LHFPL3: variants seen among roughly 807,000 people sequenced by gnomAD.
The protein encoded by LHFPL3 is LHFPL tetraspan subfamily member 3 protein.
A neutral mutation model predicts 19.3 loss-of-function variants in LHFPL3; 5 were observed. The observed-to-expected ratio is 0.26, with a 90% CI of 0.14 to 0.54. The LOEUF is 0.54. Ranked by LOEUF, LHFPL3 falls within the 20% of genes least tolerant of loss-of-function variation. The pLI is 0.94. For missense variants in LHFPL3, 249 were observed against 307.4 expected (o/e 0.81, Z 1.42); for synonymous variants, 133 against 126.2 (o/e 1.05, Z -0.36).
At chr7:104,647,428 G>A (rs1368719517) in intron 1 of LHFPL3, among the ~76,000 whole-genome samples, 1 of 152,206 alleles carries the variant, frequency 6.6e-6, no homozygotes, top group Non-Finnish European at 1.5e-5. Flanking sequence ...ATGAAGATGG[G>A]ATTGGGAATT....
chr7:104,754,072 T>C (rs549444562), intron 2 of LHFPL3, among the ~76,000 whole-genome samples: 3 of 152,034 alleles, frequency 2.0e-5, no homozygotes, highest in Non-Finnish European at 4.4e-5. Context: ...TTACTTGTGG[T>C]GGGGAGTTGG....
intron 1 of LHFPL3, among the ~76,000 whole-genome samples, chr7:104,414,203 G>A (rs1168498132): frequency 6.6e-6 from 1 of 151,900 alleles, no homozygotes; most frequent in Non-Finnish European, 1.5e-5. Context: ...TGCTGAAAAT[G>A]ATTAACCATC....
intron 2 of LHFPL3, among the ~76,000 whole-genome samples, chr7:104,901,431 G>A (rs562436226): frequency 6.6e-6 from 1 of 152,130 alleles, no homozygotes; most frequent in Non-Finnish European, 1.5e-5. Flanking sequence ...AATATGCTCT[G>A]GTCGCAGTGT....
intron 1 of LHFPL3, among the ~76,000 whole-genome samples, chr7:104,595,642 T>G (rs1790835193): frequency 6.6e-6 from 1 of 152,240 alleles, no homozygotes; most frequent in African/African-American, 2.4e-5. Flanking sequence ...TCTGCTGCCT[T>G]TTGTTCCGCT....
chr7:104,781,254 C>G (rs1386800870), intron 2 of LHFPL3, among the ~76,000 whole-genome samples: 1 of 152,192 alleles, frequency 6.6e-6, no homozygotes, highest in East Asian at 1.9e-4. Context: ...AACTCCCCAA[C>G]CAGTCAGTGC....
chr7:104,673,074 C>A (rs1792517092), intron 1 of LHFPL3, among the ~76,000 whole-genome samples: 1 of 152,170 alleles, frequency 6.6e-6, no homozygotes, highest in East Asian at 1.9e-4. Context: ...CATTTATGTA[C>A]AAATCCCATT....
In LHFPL3 at chr7:104,468,802, G is replaced by A. The variant is rs147285011; in HGVS notation, c.445+139578G>A. Among the ~76,000 whole-genome samples the A allele has an allele frequency of 2.6e-3, 394 of 152,028 alleles. 1 individual carries two copies. Among genetic ancestry groups the A allele is most frequent in the African/African-American group, 9.2e-3 (381 of 41,464 alleles). ...GCCTCCCGAGTAGCTGGGATTACAG[G>A]TGCCTGCCACCACACCCAGCCAATT... On this transcript the variant is annotated intron_variant, in intron 1 of 2. Transcript: ENST00000424859.
At chr7:104,584,324 G>T (rs1394383189) in intron 1 of LHFPL3, among the ~76,000 whole-genome samples, 1 of 152,018 alleles carries the variant, frequency 6.6e-6, no homozygotes, top group Non-Finnish European at 1.5e-5. Context: ...GGGGGGAGAG[G>T]GGAGGGATAG....
At chr7:104,677,856 CTG>C (rs559246681) in intron 1 of LHFPL3, among the ~76,000 whole-genome samples, 7 of 152,344 alleles carry the variant, frequency 4.6e-5, no homozygotes, top group African/African-American at 1.7e-4. Context: ...TTAATAAACA[CTG>C]TTCCTCCTAC....
chr7:104,346,782 C>T (rs995934336), intron 1 of LHFPL3, among the ~76,000 whole-genome samples: 3 of 151,820 alleles, frequency 2.0e-5, no homozygotes, highest in African/African-American at 2.4e-5. Context: ...TTCCCTATTG[C>T]ATTCCTTTTA....
chr7:104,454,525 G>A (rs1169558315), intron 1 of LHFPL3, among the ~76,000 whole-genome samples: 1 of 152,156 alleles, frequency 6.6e-6, no homozygotes, highest in Non-Finnish European at 1.5e-5. Flanking sequence ...GTAATATTAG[G>A]AAGAGCCCTG....
intron 1 of LHFPL3, among the ~76,000 whole-genome samples, chr7:104,693,999 T>C (rs899796942): frequency 2.0e-5 from 3 of 152,294 alleles, no homozygotes; most frequent in Middle Eastern, 3.4e-3. Context: ...AACAGAGTAA[T>C]ACATTTATGT....
rs1027381614 is a variant in LHFPL3 at position 104,388,135 on chromosome 7, G to T, written c.445+58911G>T. On this transcript the variant is annotated intron_variant, in intron 1 of 2. Transcript: ENST00000424859. Reference sequence around the variant, plus strand: ...CATGATCTCACTCCTTTTTATGGCTGCCTAGTATTCCATGGGGTATATGTA... The same window carrying T: ...CATGATCTCACTCCTTTTTATGGCTTCCTAGTATTCCATGGGGTATATGTA... 2.6e-4 allele frequency among the ~76,000 whole-genome samples: 39 copies of T among 152,082 alleles called. 1 individual carries two copies. The highest frequency in any genetic ancestry group is 9.2e-4 in the African/African-American group (38 of 41,408).
intron 1 of LHFPL3, among the ~76,000 whole-genome samples, chr7:104,412,235 G>T (rs913951194): frequency 1.3e-5 from 2 of 151,990 alleles, no homozygotes; most frequent in African/African-American, 4.8e-5. Context: ...AATCCCTTGA[G>T]GGGGTGTGGC....
chr7:104,572,138 G>A (rs1331164224), intron 1 of LHFPL3, among the ~76,000 whole-genome samples: 2 of 152,162 alleles, frequency 1.3e-5, no homozygotes, highest in Middle Eastern at 3.2e-3. Context: ...GTGTGGTGGT[G>A]TTTTCAAGTA....
intron 2 of LHFPL3, chr7:104,799,535 A>G (rs1790199869): frequency 6.6e-6 from 1 of 152,458 alleles, no homozygotes; most frequent in Admixed American, 6.5e-5. Context: ...CTCTCCTAAC[A>G]ATCAGGCCTG....
chr7:104,778,277 C>T lies in LHFPL3; in HGVS notation c.682+41366C>T, dbSNP rs79646032. 0.02 allele frequency among the ~76,000 whole-genome samples: 2,974 copies of T among 152,248 alleles called. 238 individuals are homozygous for T. In the East Asian group the frequency reaches 0.26, roughly 13 times the overall value. ...TCGATTAATACCCATTCCTGCTGTG[C>T]GGGAGCTTGATCTCCCACAACCTTG... On this transcript the variant is annotated intron_variant, in intron 2 of 2. Coordinates refer to ENST00000424859, the MANE Select transcript of LHFPL3 (RefSeq NM_199000.3).
At chr7:104,833,066 A>AGATATAT in intron 2 of LHFPL3, among the ~76,000 whole-genome samples, 1 of 105,744 alleles carries the variant, frequency 9.5e-6, no homozygotes, top group East Asian at 3.2e-4. Flanking sequence ...TATATATAAT[A>AGATATAT]TATATATTAT....
chr7:104,865,695 C>A (rs1791707892), intron 2 of LHFPL3, among the ~76,000 whole-genome samples: 1 of 152,058 alleles, frequency 6.6e-6, no homozygotes, highest in African/African-American at 2.4e-5. Context: ...GCAAGGCAGG[C>A]CAACATTAAA....
Sources: gnomAD v4.1 joint callset for allele counts (sites outside exome capture counted in the v4.1 genomes callset) on GRCh38, gnomAD v4.1.1 for gene constraint, MANE v1.5 for transcripts, NCBI Gene and HGNC (gene_info 2026-07-23, HGNC 2026-07-21) for gene names.